NME9: variants seen among roughly 807,000 people sequenced by gnomAD.
The protein encoded by NME9 is NME/NM23 family member 9.
NME9 carries 48 observed loss-of-function variants against 44.4 expected under a neutral mutation model. The ratio of observed to expected loss-of-function variants is 1.08; its 90% CI spans 0.86 to 1.37. The LOEUF (loss-of-function observed/expected upper bound fraction) is 1.37. Among genes scored for constraint, NME9 ranks in the 40% most tolerant of loss-of-function variants. The pLI, the probability that NME9 is intolerant of heterozygous loss-of-function variation, is 0.00. For synonymous variants in NME9, 139 were observed against 147.1 expected, an observed-to-expected ratio of 0.94 and a Z score of 0.40; for missense variants, 325 against 405.2, an observed-to-expected ratio of 0.80 and a Z score of 1.70.
chr3:138,293,539 A>G (rs1269615168), intron 8 of NME9, among the ~76,000 whole-genome samples: 1 of 151,936 alleles, frequency 6.6e-6, no homozygotes, highest in Non-Finnish European at 1.5e-5. Flanking sequence ...ACTGTCTCAA[A>G]AAAAAAAAGA....
intron 8 of NME9, among the ~76,000 whole-genome samples, chr3:138,269,014 A>G (rs1214894192): frequency 6.6e-6 from 1 of 152,176 alleles, no homozygotes; most frequent in African/African-American, 2.4e-5. Context: ...AAGGGGCATG[A>G]TGTACGCATC....
At chr3:138,302,269 C>G (rs752326933) in intron 10 of NME9, among the ~76,000 whole-genome samples, 1 of 152,188 alleles carries the variant, frequency 6.6e-6, no homozygotes, top group Non-Finnish European at 1.5e-5. Context: ...TGCACTTATT[C>G]CCAGGATGTG....
chr3:138,272,850 C>T (rs906703275), intron 8 of NME9: 56 of 917,598 alleles, frequency 6.1e-5, no homozygotes, highest in East Asian at 1.9e-4. Flanking sequence ...CCAGCCTGGG[C>T]GACAGAGCAA....
In NME9 at chr3:138,315,602, T is replaced by C. The variant is rs1319383059; in HGVS notation, c.309A>G (p.Pro103=). Residue 103 remains proline (P), a synonymous_variant, in exon 5 of 11, where the codon CCA becomes CCG. Transcript: ENST00000333911. ...LVAVVRGANA[P]LLQKTILDQL... ...GGTCTAGGATGGTTTTCTGCAGCAGTGGGGCATTTGCTCCTCTAACCACAG... is the reference window on the plus strand; with the variant it reads ...GGTCTAGGATGGTTTTCTGCAGCAGCGGGGCATTTGCTCCTCTAACCACAG... 1 of 1,536,662 alleles carries C rather than the reference T, an allele frequency of 6.5e-7. No individual in the cohort carries two copies. Among genetic ancestry groups the C allele is most frequent in the East Asian group, 2.4e-5 (1 of 40,916 alleles).
At position 138,283,770 on chromosome 3, in the gene NME9, G is replaced by A. The variant is rs1278834254; in HGVS notation, c.745+19737C>T. Among the ~76,000 whole-genome samples the A allele has an allele frequency of 2.6e-5, 4 of 152,164 alleles. No homozygotes were observed. In the East Asian group the frequency reaches 7.7e-4, roughly 29 times the overall value. On this transcript the variant is annotated intron_variant, in intron 8 of 8. Coordinates refer to the NME9 transcript ENST00000317876. ...CATCAGTGCAGTGGTTGTCCTCAAG[G>A]TGTACTGTCCTTCCAGCTGGCACAG...
intron 8 of NME9, chr3:138,288,886 C>G: frequency 1.7e-6 from 1 of 572,038 alleles, no homozygotes; most frequent in East Asian, 3.1e-5. Context: ...TTCCACCTGC[C>G]TTGGTCTCCC....
intron 8 of NME9, among the ~76,000 whole-genome samples, chr3:138,281,420 G>A (rs1475635114): frequency 6.6e-6 from 1 of 151,738 alleles, no homozygotes; most frequent in Non-Finnish European, 1.5e-5. Flanking sequence ...AGCCTCCTGA[G>A]TAGCTGGGAC....
At chr3:138,299,720 C>T (rs750440840), downstream of NME9, among the ~76,000 whole-genome samples, 12 of 152,172 alleles carry the variant, frequency 7.9e-5, no homozygotes, top group South Asian at 2.1e-4. Context: ...TTTGCTTTAC[C>T]ACTGCCCTGC....
At chr3:138,290,440 G>A (rs2050828114) in intron 8 of NME9, 2 of 787,150 alleles carry the variant, frequency 2.5e-6, no homozygotes, top group East Asian at 5.4e-5. Flanking sequence ...GGGTACAGGA[G>A]GAGTAGGGAG....
chr3:138,300,216 G>A (rs1168317706), downstream of NME9, among the ~76,000 whole-genome samples: 2 of 152,188 alleles, frequency 1.3e-5, no homozygotes, highest in East Asian at 1.9e-4. Flanking sequence ...GGGGTGGCAC[G>A]AGGTCCTGGG....
In NME9 at chr3:138,321,894, A is replaced by C. The variant is rs111681076; in HGVS notation, c.92-2313T>G. Among the ~76,000 whole-genome samples, 6 of 149,600 alleles carry C rather than the reference A, an allele frequency of 4.0e-5. 1 individual carries two copies. Among genetic ancestry groups the C allele is most frequent in the African/African-American group, 1.3e-4 (5 of 39,224 alleles). On this transcript the variant is annotated intron_variant, in intron 2 of 10. Coordinates refer to ENST00000333911, the MANE Select transcript of NME9 (RefSeq NM_001349018.2). ...GGGAAAGGAGAACAAACTCAACTCT[A>C]AACAGGCTGGGTTTTCAGTACCAAC...
intron 6 of NME9, among the ~76,000 whole-genome samples, chr3:138,312,023 G>T (rs564265662): frequency 6.6e-6 from 1 of 152,138 alleles, no homozygotes; most frequent in Admixed American, 6.5e-5. Flanking sequence ...TAGCTACAAA[G>T]AATATAAAAA....
chr3:138,264,463 A>AGGCT, intron 8 of NME9, among the ~76,000 whole-genome samples: 1 of 117,048 alleles, frequency 8.5e-6, no homozygotes, highest in Non-Finnish European at 1.6e-5. Flanking sequence ...TCTGTCACCC[A>AGGCT]GGCTGGAGTG....
intron 6 of NME9, 102 bp from the exon 7 acceptor site, chr3:138,306,582 G>T: frequency 1.4e-6 from 1 of 708,050 alleles, no homozygotes. Flanking sequence ...ATTGCACCAA[G>T]TGCCAGGCAC....
intron 8 of NME9, chr3:138,262,685 A>T: frequency 8.6e-7 from 1 of 1,163,376 alleles, no homozygotes; most frequent in Non-Finnish European, 1.1e-6. Flanking sequence ...CATAGGATTA[A>T]AAAAAAAAAT....
chr3:138,315,750 C>A, intron 4 of NME9, 107 bp from the exon 5 acceptor site: 2 of 844,748 alleles, frequency 2.4e-6, no homozygotes, highest in Non-Finnish European at 1.9e-6. Context: ...TCCCTCAACC[C>A]CAGGCCTGTA....
Position 138,290,855 on chromosome 3 carries a change from C to T in NME9, c.745+12652G>A, listed in dbSNP as rs775422611. Among the ~76,000 whole-genome samples the T allele has an allele frequency of 2.0e-5, 3 of 152,186 alleles. No individual in the cohort carries two copies. In the East Asian group the frequency reaches 5.8e-4, roughly 29 times the overall value. On this transcript the variant is annotated intron_variant, in intron 8 of 8. Coordinates refer to the NME9 transcript ENST00000317876. ...AGACTCTCATCTTATTGTGAATTCACGTGAGTCTGGGCCATCTTAGTGGAT... is the reference window on the plus strand; with the variant it reads ...AGACTCTCATCTTATTGTGAATTCATGTGAGTCTGGGCCATCTTAGTGGAT...
chr3:138,263,521 C>T (rs1296880156), intron 8 of NME9: 2 of 580,884 alleles, frequency 3.4e-6, no homozygotes, highest in Non-Finnish European at 6.2e-6. Flanking sequence ...ATAACCTGCC[C>T]CTTACGCCTG....
intron 8 of NME9, chr3:138,295,726 C>T (rs2051424321): frequency 1.1e-6 from 1 of 878,110 alleles, no homozygotes; most frequent in East Asian, 2.7e-5. Context: ...GGTAGGTGCC[C>T]ACCTGGGCTC....
Sources: allele counts gnomAD v4.1 joint callset (sites outside exome capture counted in the v4.1 genomes callset), GRCh38; gene constraint gnomAD v4.1.1; transcripts MANE v1.5; gene names NCBI Gene and HGNC (gene_info 2026-07-23, HGNC 2026-07-21).